The following PAPPA2 variants were observed in gnomAD, a reference collection of about 807,000 sequenced individuals.
The protein encoded by PAPPA2 is pappalysin-2.
A neutral mutation model predicts 176.4 loss-of-function variants in PAPPA2; 86 were observed. That is an observed-to-expected ratio of 0.49 (90% CI 0.41 to 0.58). The LOEUF (loss-of-function observed/expected upper bound fraction) is 0.58. Among genes scored for constraint, PAPPA2 ranks in the 20% least tolerant of loss-of-function variants. PAPPA2 has a pLI of 0.00. For synonymous variants in PAPPA2, 809 were observed against 852.2 expected (o/e 0.95, Z 0.88); for missense variants, 2,073 against 2,256.9 (o/e 0.92, Z 1.65).
At chr1:176,525,596 A>T (rs1649457701) in intron 1 of PAPPA2, among the ~76,000 whole-genome samples, 1 of 152,216 alleles carries the variant, frequency 6.6e-6, no homozygotes, top group Admixed American at 6.5e-5. Context: ...TTCCACTGTA[A>T]TTTTGAAAAT....
At chr1:176,616,679 A>C in intron 3 of PAPPA2, 1 of 1,535,860 alleles carries the variant, frequency 6.5e-7, no homozygotes. Context: ...CATACTTCTT[A>C]AGCTCCTCTA....
chr1:176,594,952 G>T lies in PAPPA2; in HGVS notation c.1348G>T (p.Glu450Ter), dbSNP rs1267699588. ...TTCTCAGCATTCAAGTGGGGAGGAG[G>T]AAGCGACTGACTTGGTCCTGACAGC... ...HSSQHSSGEE[E>*]ATDLVLTASF... Residue 450 changes from glutamate to a stop codon, truncating the protein, a stop_gained, in exon 3 of 23, where the codon GAA becomes TAA. Transcript: ENST00000367662. LOFTEE classifies it high-confidence loss of function. 1 of 1,614,230 alleles carries T rather than the reference G, an allele frequency of 6.2e-7. No individual in the cohort carries two copies. The highest frequency in any genetic ancestry group is 8.5e-7 in the Non-Finnish European group (1 of 1,180,044).
intron 3 of PAPPA2, among the ~76,000 whole-genome samples, chr1:176,626,096 T>A (rs1655993942): frequency 6.6e-6 from 1 of 152,136 alleles, no homozygotes. Flanking sequence ...ATTTACATAA[T>A]TTAAGTAATT....
intron 3 of PAPPA2, among the ~76,000 whole-genome samples, chr1:176,635,803 C>T (rs763809745): frequency 4.7e-4 from 71 of 152,058 alleles, no homozygotes; most frequent in African/African-American, 1.2e-3. Context: ...TACTGTACCA[C>T]GGTAGGAGAA....
At chr1:176,603,473 C>T (rs984764968) in intron 3 of PAPPA2, among the ~76,000 whole-genome samples, 2 of 152,162 alleles carry the variant, frequency 1.3e-5, no homozygotes, top group African/African-American at 2.4e-5. Flanking sequence ...AGGGGTTTTT[C>T]TGAGGTTCCA....
intron 21 of PAPPA2, among the ~76,000 whole-genome samples, chr1:176,831,856 A>T (rs551430010): frequency 6.6e-6 from 1 of 152,222 alleles, no homozygotes; most frequent in East Asian, 1.9e-4. Context: ...TTTTGAAGAG[A>T]GCCCTGGTTT....
intron 2 of PAPPA2, among the ~76,000 whole-genome samples, chr1:176,585,283 G>GTT (rs912003270): frequency 4.1e-5 from 6 of 147,414 alleles, no homozygotes; most frequent in African/African-American, 1.5e-4. Context: ...GGATTTGTTT[G>GTT]TTTTTTTTTT....
chr1:176,843,266 AT>A lies in PAPPA2; in HGVS notation c.*816del. The A allele has an allele frequency of 6.6e-6, 1 of 152,180 alleles. No individual in the cohort carries two copies. Among genetic ancestry groups the A allele is most frequent in the Non-Finnish European group, 1.5e-5 (1 of 68,018 alleles). The allele number at this position is 152,180 out of a possible 1,614,324, so 9.4% of individuals were successfully genotyped here. On this transcript the variant is annotated 3_prime_UTR_variant, in exon 23 of 23. Coordinates refer to ENST00000367662, the MANE Select transcript of PAPPA2 (RefSeq NM_020318.3). ...TTTTTATGACCTGGGAGCTGGGCCCATTTTATGACCAAGGAGATGGGGAGTT... is the reference window on the plus strand; with the variant it reads ...TTTTTATGACCTGGGAGCTGGGCCCATTTATGACCAAGGAGATGGGGAGTT...
chr1:176,679,226 G>A (rs1268856690), intron 4 of PAPPA2, among the ~76,000 whole-genome samples: 2 of 152,046 alleles, frequency 1.3e-5, no homozygotes, highest in African/African-American at 4.8e-5. Context: ...CATTCAAGAC[G>A]TTCTCTATGG....
At chr1:176,471,077 T>A (rs962620434) in intron 1 of PAPPA2, among the ~76,000 whole-genome samples, 1 of 152,130 alleles carries the variant, frequency 6.6e-6, no homozygotes, top group African/African-American at 2.4e-5. Context: ...ATTCATGCCT[T>A]AAATCAAGAA....
chr1:176,809,059 G>A (rs1264680674), intron 21 of PAPPA2, among the ~76,000 whole-genome samples: 9 of 152,130 alleles, frequency 5.9e-5, no homozygotes, highest in Admixed American at 5.9e-4. Context: ...TGTTGAAAAG[G>A]CATATTAGTC....
At chr1:176,665,375 A>G (rs1292708658) in intron 3 of PAPPA2, among the ~76,000 whole-genome samples, 3 of 152,248 alleles carry the variant, frequency 2.0e-5, no homozygotes, top group African/African-American at 2.4e-5. Flanking sequence ...CAGCATTTCC[A>G]GATGATTCTC....
At chr1:176,809,365 G>C (rs1340080556) in intron 21 of PAPPA2, among the ~76,000 whole-genome samples, 1 of 152,186 alleles carries the variant, frequency 6.6e-6, no homozygotes, top group African/African-American at 2.4e-5. Context: ...CTGAAATGGA[G>C]GTGGAAAGTT....
chr1:176,695,515 T>G (rs971692459), intron 6 of PAPPA2, among the ~76,000 whole-genome samples: 2 of 152,178 alleles, frequency 1.3e-5, no homozygotes, highest in African/African-American at 4.8e-5. Flanking sequence ...CTTAGTTAAT[T>G]TTTTCTGCTT....
At chr1:176,645,506 G>A (rs957008613) in intron 3 of PAPPA2, among the ~76,000 whole-genome samples, 9 of 151,768 alleles carry the variant, frequency 5.9e-5, no homozygotes, top group Non-Finnish European at 1.3e-4. Context: ...TGAGCACTTA[G>A]TTTGATTCCA....
chr1:176,794,263 G>A (rs1003245147), intron 20 of PAPPA2, among the ~76,000 whole-genome samples: 10 of 152,156 alleles, frequency 6.6e-5, no homozygotes, highest in Non-Finnish European at 2.9e-5. Flanking sequence ...GTCCTCCGGG[G>A]TTCAAATACA....
At chr1:176,585,857 T>C (rs1468571816) in intron 2 of PAPPA2, among the ~76,000 whole-genome samples, 2 of 152,134 alleles carry the variant, frequency 1.3e-5, no homozygotes, top group Admixed American at 6.5e-5. Flanking sequence ...ATTTCTTTAT[T>C]GAATTTCTCA....
At chr1:176,730,846 TA>T (rs1662108723) in intron 12 of PAPPA2, among the ~76,000 whole-genome samples, 1 of 152,136 alleles carries the variant, frequency 6.6e-6, no homozygotes, top group East Asian at 1.9e-4. Flanking sequence ...AATTTCTTTT[TA>T]AAACCTTGGA....
intron 3 of PAPPA2, among the ~76,000 whole-genome samples, chr1:176,667,842 T>C (rs1179504805): frequency 1.3e-5 from 2 of 152,198 alleles, no homozygotes; most frequent in East Asian, 3.9e-4. Context: ...AATAAGGCTA[T>C]TTAACTGACT....
Sources: allele counts gnomAD v4.1 joint callset (sites outside exome capture counted in the v4.1 genomes callset), GRCh38; gene constraint gnomAD v4.1.1; transcripts MANE v1.5; gene names NCBI Gene and HGNC (gene_info 2026-07-23, HGNC 2026-07-21).